RBFOX1: variants seen among roughly 807,000 people sequenced by gnomAD.
RBFOX1 encodes RNA binding fox-1 homolog 1, also known as RNA binding protein fox-1 homolog 1.
In RBFOX1, 8 loss-of-function variants were observed where a neutral mutation model predicts 57.7. That is an observed-to-expected ratio of 0.14 (90% CI 0.08 to 0.25). RBFOX1 has a LOEUF of 0.25. Ranked by LOEUF, RBFOX1 falls within the 10% of genes least tolerant of loss-of-function variation. The pLI is 1.00. For synonymous variants in RBFOX1, 326 were observed against 222.4 expected (o/e 1.47, Z -4.15); for missense variants, 611 against 548.5 (o/e 1.11, Z -1.14).
At chr16:6,236,847 A>G (rs1339872521) in intron 1 of RBFOX1, among the ~76,000 whole-genome samples, 2 of 152,154 alleles carry the variant, frequency 1.3e-5, no homozygotes, top group African/African-American at 2.4e-5. Context: ...TGGATATTTT[A>G]TTCCTATAGT....
At chr16:6,297,747 A>C (rs1480648612) in intron 1 of RBFOX1, among the ~76,000 whole-genome samples, 1 of 152,138 alleles carries the variant, frequency 6.6e-6, no homozygotes. Flanking sequence ...GAAGGGCAGA[A>C]GAATGGCAGA....
intron 4 of RBFOX1, among the ~76,000 whole-genome samples, chr16:5,942,569 T>A (rs1432453468): frequency 6.6e-6 from 1 of 152,188 alleles, no homozygotes; most frequent in Non-Finnish European, 1.5e-5. Flanking sequence ...GCCTACCTCT[T>A]AGCAGGATTC....
chr16:5,462,660 C>T (rs1338196087), intron 1 of RBFOX1, among the ~76,000 whole-genome samples: 1 of 152,042 alleles, frequency 6.6e-6, no homozygotes, highest in African/African-American at 2.4e-5. Flanking sequence ...GAAATAAATA[C>T]ATTATGATGC....
At chr16:5,807,604 T>C (rs115018913) in intron 3 of RBFOX1, among the ~76,000 whole-genome samples, 2,850 of 152,266 alleles carry the variant, frequency 0.019, 105 homozygotes, top group African/African-American at 0.065. Context: ...AGTGTATAAA[T>C]AGGGATGAAT....
chr16:7,169,461 T>C (rs541665535), intron 4 of RBFOX1, among the ~76,000 whole-genome samples: 23 of 152,322 alleles, frequency 1.5e-4, no homozygotes, highest in Admixed American at 6.5e-4. Context: ...CTAGATTCAG[T>C]AGCACCTGCC....
At chr16:6,258,447 C>T (rs1301284417) in intron 1 of RBFOX1, among the ~76,000 whole-genome samples, 1 of 152,182 alleles carries the variant, frequency 6.6e-6, no homozygotes, top group African/African-American at 2.4e-5. Context: ...TGCACATGAG[C>T]ATGAGTGCAT....
intron 14 of RBFOX1, among the ~76,000 whole-genome samples, chr16:7,696,366 ATTC>A (rs1316191955): frequency 6.6e-6 from 1 of 152,252 alleles, no homozygotes; most frequent in African/African-American, 2.4e-5. Flanking sequence ...GATGAGTTGG[ATTC>A]TTCAATAGAT....
At chr16:5,519,301 A>G (rs887049884) in intron 2 of RBFOX1, among the ~76,000 whole-genome samples, 1 of 152,194 alleles carries the variant, frequency 6.6e-6, no homozygotes, top group African/African-American at 2.4e-5. Flanking sequence ...GTTGTTTTTC[A>G]TGTCCTGGGG....
intron 2 of RBFOX1, among the ~76,000 whole-genome samples, chr16:6,451,778 G>T (rs1389145352): frequency 6.6e-6 from 1 of 152,104 alleles, no homozygotes; most frequent in South Asian, 2.1e-4. Context: ...GCCCTGTGCT[G>T]CTCTTCCTCC....
intron 1 of RBFOX1, among the ~76,000 whole-genome samples, chr16:6,309,057 T>A (rs2079905802): frequency 6.6e-6 from 1 of 152,100 alleles, no homozygotes; most frequent in Admixed American, 6.6e-5. Context: ...TTTATGGAGA[T>A]TGAAATAATC....
intron 4 of RBFOX1, among the ~76,000 whole-genome samples, chr16:7,287,780 A>G (rs2095679316): frequency 6.6e-6 from 1 of 152,242 alleles, no homozygotes; most frequent in African/African-American, 2.4e-5. Flanking sequence ...GAAGTGGAGA[A>G]CACAAATTAG....
intron 1 of RBFOX1, among the ~76,000 whole-genome samples, chr16:6,109,832 T>C (rs1242151047): frequency 6.6e-6 from 1 of 152,194 alleles, no homozygotes; most frequent in Non-Finnish European, 1.5e-5. Flanking sequence ...ATTCTTTTCT[T>C]CAATTTTACA....
At chr16:6,825,930 G>T (rs1352334312) in intron 3 of RBFOX1, among the ~76,000 whole-genome samples, 1 of 152,138 alleles carries the variant, frequency 6.6e-6, no homozygotes, top group Non-Finnish European at 1.5e-5. Context: ...TCAAATCCTG[G>T]TTGTACCGCA....
At chr16:6,744,715 G>A (rs1391670200) in intron 3 of RBFOX1, among the ~76,000 whole-genome samples, 1 of 151,974 alleles carries the variant, frequency 6.6e-6, no homozygotes, top group Non-Finnish European at 1.5e-5. Flanking sequence ...GAAATTCATA[G>A]CATTAAATAC....
chr16:6,500,259 C>G (rs2095873478), intron 2 of RBFOX1, among the ~76,000 whole-genome samples: 1 of 152,114 alleles, frequency 6.6e-6, no homozygotes, highest in Non-Finnish European at 1.5e-5. Context: ...CTTATTGAGG[C>G]CTTTAGCAAG....
intron 3 of RBFOX1, among the ~76,000 whole-genome samples, chr16:5,811,143 A>AAT (rs774065778): frequency 2.9e-4 from 30 of 104,572 alleles, no homozygotes; most frequent in African/African-American, 1.1e-3. Flanking sequence ...TATGGAACAA[A>AAT]TTTTTTTTTT....
intron 1 of RBFOX1, among the ~76,000 whole-genome samples, chr16:5,428,319 C>T (rs1207354347): frequency 1.3e-5 from 2 of 152,146 alleles, no homozygotes; most frequent in African/African-American, 4.8e-5. Flanking sequence ...AGCACAGTTC[C>T]TATCACACAA....
At chr16:6,720,820 G>T (rs1052778284) in intron 3 of RBFOX1, among the ~76,000 whole-genome samples, 3 of 152,162 alleles carry the variant, frequency 2.0e-5, no homozygotes, top group Non-Finnish European at 4.4e-5. Context: ...TAAGGATGTT[G>T]CTGAAGTGTA....
At chr16:6,236,216 G>A (rs1598656332) in intron 1 of RBFOX1, among the ~76,000 whole-genome samples, 1 of 152,196 alleles carries the variant, frequency 6.6e-6, no homozygotes, top group African/African-American at 2.4e-5. Flanking sequence ...GAAAGAGCAA[G>A]CTCTGGAGTC....
Sources: allele counts gnomAD v4.1 joint callset (sites outside exome capture counted in the v4.1 genomes callset), GRCh38; gene constraint gnomAD v4.1.1; transcripts MANE v1.5; gene names NCBI Gene and HGNC (gene_info 2026-07-23, HGNC 2026-07-21).